The following PTPRG variants were observed in gnomAD, a reference collection of about 807,000 sequenced individuals.
PTPRG encodes the protein protein tyrosine phosphatase receptor type G.
A neutral mutation model predicts 165.3 loss-of-function variants in PTPRG; 102 were observed. The observed-to-expected ratio is 0.62, with a 90% confidence interval of 0.53 to 0.73. The LOEUF (loss-of-function observed/expected upper bound fraction) is 0.73, where lower values mean the gene tolerates loss of function less well. Ranked by LOEUF, PTPRG falls within the 30% of genes least tolerant of loss-of-function variation. The pLI, the probability that PTPRG is intolerant of heterozygous loss-of-function variation, is 0.00. For synonymous variants in PTPRG, 675 were observed against 669.5 expected, an observed-to-expected ratio of 1.01 and a Z score of -0.13; for missense variants, 1,866 against 1,861.4, an observed-to-expected ratio of 1.00 and a Z score of -0.05.
At chr3:61,813,622 G>A (rs941657465) in intron 2 of PTPRG, among the ~76,000 whole-genome samples, 1 of 143,080 alleles carries the variant, frequency 7.0e-6, no homozygotes, top group Non-Finnish European at 1.5e-5. Context: ...TTTCAGCCAT[G>A]AAGAGTTCTA....
At chr3:61,866,426 A>C (rs537960394) in intron 2 of PTPRG, among the ~76,000 whole-genome samples, 1 of 151,912 alleles carries the variant, frequency 6.6e-6, no homozygotes, top group Non-Finnish European at 1.5e-5. Flanking sequence ...AGGCTGGAGT[A>C]GGGTTGAGGC....
chr3:61,915,499 CATT>C (rs775585321), intron 2 of PTPRG, among the ~76,000 whole-genome samples: 1 of 152,094 alleles, frequency 6.6e-6, no homozygotes, highest in Non-Finnish European at 1.5e-5. Flanking sequence ...TAGAGGAAGG[CATT>C]GTTGTTCTGT....
At chr3:61,857,491 C>T (rs967746475) in intron 2 of PTPRG, among the ~76,000 whole-genome samples, 7 of 152,282 alleles carry the variant, frequency 4.6e-5, no homozygotes, top group African/African-American at 1.7e-4. Flanking sequence ...AGTGGTGATG[C>T]ATGTGCCATG....
chr3:61,564,784 C>T (rs746969509), intron 1 of PTPRG, among the ~76,000 whole-genome samples: 1 of 152,136 alleles, frequency 6.6e-6, no homozygotes, highest in Non-Finnish European at 1.5e-5. Context: ...TCGGCCACCT[C>T]CACGCCTCAG....
rs150963562 is a variant in PTPRG, at chr3:62,129,338, A to G, written c.616-3264A>G. ...ACTTTCTTTGAGCCTTCACATTATC[A>G]GATAATACTAAATGCATTAAAAAGT... On this transcript the variant is annotated intron_variant, in intron 5 of 29. Transcript: ENST00000474889. 1.7e-3 allele frequency among the ~76,000 whole-genome samples: 266 copies of G among 152,180 alleles called. 1 individual carries two copies. Among genetic ancestry groups the G allele is most frequent in the African/African-American group, 6.1e-3 (253 of 41,530 alleles).
intron 1 of PTPRG, among the ~76,000 whole-genome samples, chr3:61,727,970 C>T (rs747201567): frequency 6.4e-4 from 98 of 152,226 alleles, no homozygotes; most frequent in Non-Finnish European, 1.3e-4. Context: ...ACTTTACCAG[C>T]TGGTAGCTGA....
intron 2 of PTPRG, among the ~76,000 whole-genome samples, chr3:61,787,713 A>C (rs2034751061): frequency 6.6e-6 from 1 of 152,094 alleles, no homozygotes; most frequent in African/African-American, 2.4e-5. Flanking sequence ...GTTCCTGTGG[A>C]GTTGTTAAAG....
intron 1 of PTPRG, among the ~76,000 whole-genome samples, chr3:61,679,523 G>A (rs778410767): frequency 2.3e-4 from 35 of 152,148 alleles, no homozygotes; most frequent in Non-Finnish European, 4.1e-4. Flanking sequence ...CGTGGCTCAC[G>A]TCTGTAATCC....
At chr3:61,684,394 T>C (rs1019973397) in intron 1 of PTPRG, among the ~76,000 whole-genome samples, 2 of 152,238 alleles carry the variant, frequency 1.3e-5, no homozygotes, top group African/African-American at 4.8e-5. Flanking sequence ...ATTTTTCTTT[T>C]GGCATCTTTT....
intron 4 of PTPRG, among the ~76,000 whole-genome samples, chr3:62,032,806 C>T (rs1480194637): frequency 6.6e-6 from 1 of 152,030 alleles, no homozygotes; most frequent in Non-Finnish European, 1.5e-5. Flanking sequence ...AAAATCATGA[C>T]GCCTCTTCAT....
chr3:61,891,725 T>C (rs2038220228), intron 2 of PTPRG, among the ~76,000 whole-genome samples: 2 of 152,254 alleles, frequency 1.3e-5, no homozygotes, highest in Non-Finnish European at 2.9e-5. Flanking sequence ...GCAAAGTGTT[T>C]TGTAAGCCAT....
Position 62,229,493 on chromosome 3 carries a change from C to CTT in PTPRG, c.2289-1731_2289-1730insTT, listed in dbSNP as rs1700844527. Among the ~76,000 whole-genome samples the CTT allele has an allele frequency of 6.6e-6, 1 of 152,196 alleles. No individual in the cohort carries two copies. The highest frequency in any genetic ancestry group is 1.9e-4 in the East Asian group (1 of 5,192). ...GACAAAAGCGGAAAGAGATTCACTGCTAAAGGTTGCCAGTTAAACATGCTC... is the reference window on the plus strand; with the variant it reads ...GACAAAAGCGGAAAGAGATTCACTGCTTTAAAGGTTGCCAGTTAAACATGCTC... On this transcript the variant is annotated intron_variant, in intron 13 of 29. Transcript: ENST00000474889. This position sits in a 1 kb window ranked among gnomAD's most constrained non-coding sequence, Gnocchi z 4.6.
chr3:61,727,577 A>G (rs1196277879), intron 1 of PTPRG, among the ~76,000 whole-genome samples: 2 of 152,226 alleles, frequency 1.3e-5, no homozygotes, highest in Non-Finnish European at 2.9e-5. Flanking sequence ...GGAACTGGGT[A>G]TTCGTAAGTT....
intron 1 of PTPRG, among the ~76,000 whole-genome samples, chr3:61,735,025 C>G (rs1217805988): frequency 1.3e-5 from 2 of 152,130 alleles, no homozygotes; most frequent in Non-Finnish European, 2.9e-5. Flanking sequence ...AGAAAGGAAA[C>G]AAACCCCACT....
chr3:62,086,229 T>G (rs897944840), intron 5 of PTPRG, among the ~76,000 whole-genome samples: 10 of 152,070 alleles, frequency 6.6e-5, no homozygotes, highest in Admixed American at 3.9e-4. Flanking sequence ...CAAAAGAGTC[T>G]TTTTCTTTTT....
chr3:62,080,327 C>T (rs567534711), intron 5 of PTPRG, among the ~76,000 whole-genome samples: 4 of 151,960 alleles, frequency 2.6e-5, no homozygotes, highest in Non-Finnish European at 4.4e-5. Flanking sequence ...CCGCCTGCCT[C>T]GGCCTCCCAA....
chr3:62,233,476 A>G lies in PTPRG; in HGVS notation c.2375+2165A>G, dbSNP rs59133928. Among the ~76,000 whole-genome samples, 448 of 152,286 alleles carry G rather than the reference A, an allele frequency of 2.9e-3. 3 individuals are homozygous for G. Among genetic ancestry groups the G allele is most frequent in the African/African-American group, 0.01 (427 of 41,558 alleles). On this transcript the variant is annotated intron_variant, in intron 14 of 29. Coordinates refer to ENST00000474889, the MANE Select transcript of PTPRG (RefSeq NM_002841.4). This position sits in a 1 kb window ranked among gnomAD's most constrained non-coding sequence, Gnocchi z 4.7. ...CCCCCTACCTCTGTCAGGCTTCTGC[A>G]GGAGGCTGGAATGCAAGCCCTTCAA...
intron 14 of PTPRG, among the ~76,000 whole-genome samples, chr3:62,241,322 C>T (rs921251480): frequency 8.5e-5 from 13 of 152,084 alleles, no homozygotes; most frequent in African/African-American, 1.4e-4. Context: ...CTTTATTCTA[C>T]GGGAAGACAT....
At chr3:61,865,065 T>A (rs2037368563) in intron 2 of PTPRG, among the ~76,000 whole-genome samples, 1 of 152,216 alleles carries the variant, frequency 6.6e-6, no homozygotes, top group Admixed American at 6.5e-5. Context: ...TGGCTGTGTT[T>A]GGGTTTCTGG....
Sources: gnomAD v4.1 joint callset for allele counts (sites outside exome capture counted in the v4.1 genomes callset) on GRCh38, gnomAD v4.1.1 for gene constraint, Gnocchi (gnomAD v3.1) non-coding constraint, MANE v1.5 for transcripts, NCBI Gene and HGNC (gene_info 2026-07-23, HGNC 2026-07-21) for gene names.